Variants in ZBTB7C observed in about 807,000 individuals in gnomAD.
ZBTB7C encodes zinc finger and BTB domain-containing protein 7C.
ZBTB7C carries 8 observed loss-of-function variants against 25.7 expected under a neutral mutation model. The observed-to-expected ratio is 0.31, with a 90% CI of 0.18 to 0.56. The LOEUF (loss-of-function observed/expected upper bound fraction) is 0.56, where lower values mean the gene tolerates loss of function less well. ZBTB7C is among the 20% of genes least tolerant of loss of function. The pLI, the probability that ZBTB7C is intolerant of heterozygous loss-of-function variation, is 0.91. For missense variants in ZBTB7C, 824 were observed against 855.2 expected (o/e 0.96, Z 0.46); for synonymous variants, 394 against 369.0 (o/e 1.07, Z -0.78).
At chr18:48,284,165 A>T (rs1423202496) in intron 2 of ZBTB7C, among the ~76,000 whole-genome samples, 1 of 152,208 alleles carries the variant, frequency 6.6e-6, no homozygotes, top group Non-Finnish European at 1.5e-5. Flanking sequence ...AAAGGGAAGA[A>T]CAAAAGGGGA....
chr18:48,303,779 G>A (rs1299563667), intron 2 of ZBTB7C, among the ~76,000 whole-genome samples: 1 of 152,142 alleles, frequency 6.6e-6, no homozygotes, highest in African/African-American at 2.4e-5. Context: ...GTGAACTTAG[G>A]TTAACTCACC....
chr18:48,188,440 T>C (rs1376777275), intron 2 of ZBTB7C, among the ~76,000 whole-genome samples: 1 of 152,166 alleles, frequency 6.6e-6, no homozygotes, highest in Non-Finnish European at 1.5e-5. Flanking sequence ...CTTGCTACCA[T>C]GAGAACGGTA....
At chr18:48,076,950 T>A (rs1363051953) in intron 3 of ZBTB7C, 3 of 984,894 alleles carry the variant, frequency 3.0e-6, no homozygotes, top group Non-Finnish European at 3.6e-6. Flanking sequence ...CTTTAACACT[T>A]CTCCATAATG....
chr18:48,254,888 G>T, intron 2 of ZBTB7C, among the ~76,000 whole-genome samples: 1 of 152,094 alleles, frequency 6.6e-6, no homozygotes, highest in Non-Finnish European at 1.5e-5. Flanking sequence ...AACCTATTAT[G>T]GTTTGTTCAT....
chr18:48,284,923 T>C (rs73955677), intron 2 of ZBTB7C, among the ~76,000 whole-genome samples: 18,115 of 152,256 alleles, frequency 0.12, 1,140 homozygotes, highest in South Asian at 0.2. Flanking sequence ...AGACTGCCTT[T>C]ATCTTATAAG....
intron 2 of ZBTB7C, among the ~76,000 whole-genome samples, chr18:48,237,395 TGA>T (rs1208387376): frequency 6.6e-6 from 1 of 151,868 alleles, no homozygotes; most frequent in Non-Finnish European, 1.5e-5. Flanking sequence ...TGTGGGGAGC[TGA>T]GACTCCCAAC....
At chr18:48,321,802 C>T (rs1020540535) in intron 2 of ZBTB7C, among the ~76,000 whole-genome samples, 23 of 152,262 alleles carry the variant, frequency 1.5e-4, no homozygotes, top group Admixed American at 2.6e-4. Flanking sequence ...CGTGCCGATC[C>T]GCCCCAGCCG....
intron 2 of ZBTB7C, among the ~76,000 whole-genome samples, chr18:48,292,360 G>C (rs2045256101): frequency 6.6e-6 from 1 of 152,136 alleles, no homozygotes. Context: ...CTTCCCCAAA[G>C]TCCTACCACT....
Position 48,401,495 on chromosome 18 carries a change from A to T in ZBTB7C, c.-304+7731T>A, listed in dbSNP as rs185190165. 9.8e-5 allele frequency among the ~76,000 whole-genome samples: 15 copies of T among 152,296 alleles called. No individual in the cohort carries two copies. In the East Asian group the frequency reaches 2.9e-3, roughly 29 times the overall value. ...CCCAAAGTGATGCAGGAAAGCCACCAAGTTACAGGACTCAGGTCTCATCAA... is the reference window on the plus strand; with the variant it reads ...CCCAAAGTGATGCAGGAAAGCCACCTAGTTACAGGACTCAGGTCTCATCAA... On this transcript the variant is annotated intron_variant, in intron 1 of 4. Coordinates refer to ENST00000590800, the MANE Select transcript of ZBTB7C (RefSeq NM_001318841.2).
chr18:48,111,503 T>G (rs778212863), intron 3 of ZBTB7C, among the ~76,000 whole-genome samples: 3 of 152,210 alleles, frequency 2.0e-5, no homozygotes, highest in Non-Finnish European at 4.4e-5. Context: ...CAAGGTGAGC[T>G]ACTCCCCAGG....
chr18:48,193,467 C>T (rs1437184088), intron 2 of ZBTB7C, among the ~76,000 whole-genome samples: 1 of 152,072 alleles, frequency 6.6e-6, no homozygotes, highest in Non-Finnish European at 1.5e-5. Flanking sequence ...CTCTTGCTCC[C>T]CCATCCAAAA....
At chr18:48,306,186 T>A (rs1475348225) in intron 2 of ZBTB7C, among the ~76,000 whole-genome samples, 2 of 152,148 alleles carry the variant, frequency 1.3e-5, no homozygotes, top group Non-Finnish European at 2.9e-5. Context: ...ACACCTCCTT[T>A]AATGGGCTGA....
chr18:48,184,714 T>C (rs1386458038), intron 3 of ZBTB7C, among the ~76,000 whole-genome samples: 2 of 152,038 alleles, frequency 1.3e-5, no homozygotes, highest in South Asian at 2.1e-4. Flanking sequence ...AAGTGGACAA[T>C]TGGGAGTGCT....
intron 3 of ZBTB7C, chr18:48,149,457 A>G (rs1390686238): frequency 6.6e-6 from 1 of 152,254 alleles, no homozygotes; most frequent in East Asian, 1.9e-4. Flanking sequence ...GCCAGGAGAC[A>G]GTGCGTAAGG....
chr18:48,390,792 G>A (rs926147599), intron 1 of ZBTB7C, among the ~76,000 whole-genome samples: 2 of 152,194 alleles, frequency 1.3e-5, no homozygotes, highest in African/African-American at 4.8e-5. Flanking sequence ...AATCCCTCCA[G>A]GGGCACTAAG....
At chr18:48,032,339 ACTCCTGAC>A (rs2035789767) in intron 4 of ZBTB7C, among the ~76,000 whole-genome samples, 1 of 140,914 alleles carries the variant, frequency 7.1e-6, no homozygotes, top group Non-Finnish European at 1.5e-5. Flanking sequence ...CTGGTCTTGA[ACTCCTGAC>A]CTTGTGATCT....
chr18:48,208,428 G>T (rs949265613), intron 2 of ZBTB7C, among the ~76,000 whole-genome samples: 33 of 151,828 alleles, frequency 2.2e-4, no homozygotes, highest in Admixed American at 1.8e-3. Flanking sequence ...AATAAAATTG[G>T]TTTTTTTCCT....
chr18:48,085,609 G>T (rs2038163282), intron 3 of ZBTB7C, among the ~76,000 whole-genome samples: 1 of 152,188 alleles, frequency 6.6e-6, no homozygotes, highest in Admixed American at 6.5e-5. Flanking sequence ...GGGTTGTGAG[G>T]ATTAAAAGAG....
chr18:48,121,472 A>G (rs1408847933), intron 3 of ZBTB7C, among the ~76,000 whole-genome samples: 2 of 152,062 alleles, frequency 1.3e-5, no homozygotes, highest in East Asian at 1.9e-4. Context: ...TGTACACATT[A>G]GAACTACTCC....
Sources: gnomAD v4.1 joint callset for allele counts (sites outside exome capture counted in the v4.1 genomes callset) on GRCh38, gnomAD v4.1.1 for gene constraint, MANE v1.5 for transcripts, NCBI Gene and HGNC (gene_info 2026-07-23, HGNC 2026-07-21) for gene names.